Variants in ADGRE5 observed in about 807,000 individuals in gnomAD.
The protein encoded by ADGRE5 is CD97 molecule.
Under a neutral mutation model 100.3 loss-of-function variants are expected in ADGRE5, and 72 were observed. The ratio of observed to expected loss-of-function variants is 0.72; its 90% confidence interval spans 0.59 to 0.87. The LOEUF (loss-of-function observed/expected upper bound fraction) is 0.87, where lower values mean the gene tolerates loss of function less well. Ranked by LOEUF, ADGRE5 falls within the 40% of genes least tolerant of loss-of-function variation. ADGRE5 has a pLI of 0.00. For missense variants in ADGRE5, 959 were observed against 1,094.7 expected, an observed-to-expected ratio of 0.88 and a Z score of 1.75; for synonymous variants, 439 against 447.8, an observed-to-expected ratio of 0.98 and a Z score of 0.25.
At position 14,405,848 on chromosome 19, in the gene ADGRE5, G is replaced by T; in HGVS notation, c.1730G>T (p.Gly577Val). ...TTCCTGCTGGTGCGGCCCATCCAGGGCTCGCGCACCACCATACACCTGCAC... is the reference window on the plus strand; with the variant it reads ...TTCCTGCTGGTGCGGCCCATCCAGGTCTCGCGCACCACCATACACCTGCAC... ...LTFLLVRPIQ[G>V]SRTTIHLHLC... The change falls in exon 14 of 20, where the codon GGC (glycine) becomes GTC (valine). Residue 577 changes from glycine to valine, a missense_variant. Physicochemically the swap from Gly to Val is moderately radical, Grantham distance 109 (BLOSUM62 -3). Transcript: ENST00000242786. 6.2e-7 allele frequency: 1 copy of T among 1,613,328 alleles called. No individual in the cohort carries two copies. Among genetic ancestry groups the T allele is most frequent in the Non-Finnish European group, 8.5e-7 (1 of 1,179,968 alleles).
chr19:14,389,573 A>G (rs1975521042), intron 3 of ADGRE5, among the ~76,000 whole-genome samples: 1 of 151,094 alleles, frequency 6.6e-6, no homozygotes, highest in African/African-American at 2.4e-5. Context: ...TCTCTATACT[A>G]AAAACACAAA....
At chr19:14,389,806 C>T (rs1293197101) in intron 3 of ADGRE5, among the ~76,000 whole-genome samples, 4 of 150,132 alleles carry the variant, frequency 2.7e-5, no homozygotes, top group African/African-American at 4.9e-5. Context: ...TGGTGGCTTA[C>T]GCCTGTAATC....
chr19:14,406,913 G>T lies in ADGRE5; in HGVS notation c.2160G>T (p.Gln720His). The T allele has an allele frequency of 1.2e-6, 2 of 1,614,206 alleles. No homozygotes were observed. Among genetic ancestry groups the T allele is most frequent in the Non-Finnish European group, 1.7e-6 (2 of 1,180,030 alleles). Residue 720 changes from glutamine to histidine, a missense_variant, in exon 17 of 20, where the codon CAG becomes CAT. Physicochemically the swap from Gln to His is conservative, Grantham distance 24. This residue lies in a region of ADGRE5 where 428 missense variants were observed against 386.2 expected (regional missense o/e 1.11). Coordinates refer to ENST00000242786, the MANE Select transcript of ADGRE5 (RefSeq NM_078481.4). This position sits in a 1 kb window ranked among gnomAD's most constrained non-coding sequence, Gnocchi z 6.0. ...IFVTTVWKLT[Q>H]KFSEINPDMK... ...TGACTACCGTCTGGAAGCTCACTCA[G>T]AAGTTTTCTGAAATCAATCCAGACA...
chr19:14,384,316 G>A (rs938439337), intron 1 of ADGRE5, among the ~76,000 whole-genome samples: 6 of 152,022 alleles, frequency 3.9e-5, no homozygotes, highest in Non-Finnish European at 8.8e-5. Flanking sequence ...TGAGTGGTCC[G>A]GGGACCTCCA....
chr19:14,406,021 A>G lies in ADGRE5; in HGVS notation c.1821+82A>G. Reference sequence around the variant, plus strand: ...TTAGCCCCGCCCACTCCCGGGGCTCAGTCGGGTAGGCGGGCCCTGGAGGCA... The same window carrying G: ...TTAGCCCCGCCCACTCCCGGGGCTCGGTCGGGTAGGCGGGCCCTGGAGGCA... On this transcript the variant is annotated intron_variant, in intron 14 of 19. Transcript: ENST00000242786. This position sits in a 1 kb window ranked among gnomAD's most constrained non-coding sequence, Gnocchi z 6.0. The G allele has an allele frequency of 1.6e-6, 2 of 1,280,374 alleles. No individual in the cohort carries two copies. The highest frequency in any genetic ancestry group is 1.4e-5 in the South Asian group (1 of 69,592). The allele number at this position is 1,280,374 out of a possible 1,614,324, so 79.3% of individuals were successfully genotyped here.
At chr19:14,403,849 A>C (rs1036087826) in intron 12 of ADGRE5, among the ~76,000 whole-genome samples, 1 of 145,152 alleles carries the variant, frequency 6.9e-6, no homozygotes, top group Admixed American at 6.9e-5. Context: ...TTTATGTCAT[A>C]ATCTGCCTCT....
At position 14,405,771 on chromosome 19, in the gene ADGRE5, C is replaced by G. The variant is rs757539799; in HGVS notation, c.1653C>G (p.Thr551=). The G allele has an allele frequency of 1.2e-6, 2 of 1,613,496 alleles. No individual in the cohort carries two copies. Among genetic ancestry groups the G allele is most frequent in the Non-Finnish European group, 1.7e-6 (2 of 1,179,776 alleles). Residue 551 remains threonine, a synonymous_variant, in exon 14 of 20, where the codon ACC becomes ACG. Coordinates refer to ENST00000242786, the MANE Select transcript of ADGRE5 (RefSeq NM_078481.4). The part of the protein sequence containing the change: ...DVEDWKLTLI[T]RVGLALSLFC... ...AGGACTGGAAGCTGACCCTGATCAC[C>G]AGGGTGGGACTGGCGCTGTCACTCT...
At chr19:14,399,433 G>C (rs538740646) in intron 9 of ADGRE5, among the ~76,000 whole-genome samples, 2 of 150,776 alleles carry the variant, frequency 1.3e-5, no homozygotes, top group African/African-American at 4.9e-5. Flanking sequence ...GCGTAGTGGC[G>C]GGCGCCTGTA....
chr19:14,406,846 C>T lies in ADGRE5; in HGVS notation c.2116-23C>T. ...CTGGACCATCGCTCTCGCCCTCTAACCCACAATCTGCTCCCTGCCCAGTGC... is the reference window on the plus strand; with the variant it reads ...CTGGACCATCGCTCTCGCCCTCTAATCCACAATCTGCTCCCTGCCCAGTGC... On this transcript the variant is annotated intron_variant, in intron 16 of 19. Coordinates refer to ENST00000242786, the MANE Select transcript of ADGRE5 (RefSeq NM_078481.4). This position sits in a 1 kb window ranked among gnomAD's most constrained non-coding sequence, Gnocchi z 6.0. The T allele has an allele frequency of 1.9e-6, 3 of 1,613,014 alleles. No homozygotes were observed. The highest frequency in any genetic ancestry group is 2.5e-6 in the Non-Finnish European group (3 of 1,178,914).
chr19:14,407,818 CAAG>C (rs1976336045), intron 18 of ADGRE5, 87 bp from the exon 19 acceptor site: 2 of 1,107,016 alleles, frequency 1.8e-6, no homozygotes, highest in Non-Finnish European at 2.7e-6. Flanking sequence ...ACAAAAACAC[CAAG>C]AAGGTGGGGC....
Position 14,401,590 on chromosome 19 carries a change from C to T in ADGRE5, c.1075+27C>T. On this transcript the variant is annotated intron_variant, in intron 10 of 19. Coordinates refer to ENST00000242786, the MANE Select transcript of ADGRE5 (RefSeq NM_078481.4). The surrounding 1 kb of genome is among the most constrained non-coding windows in gnomAD (Gnocchi z 4.1). ...TGAGGCCTTGGCCTGGCCTGCCCTG[C>T]CCCAACCCTGGGCCCCACCTGGTAC... 1 of 1,610,196 alleles carries T rather than the reference C, an allele frequency of 6.2e-7. No homozygotes were observed. The highest frequency in any genetic ancestry group is 1.1e-5 in the South Asian group (1 of 90,792).
At chr19:14,384,886 CCT>C (rs1181118790) in intron 1 of ADGRE5, among the ~76,000 whole-genome samples, 7 of 150,806 alleles carry the variant, frequency 4.6e-5, no homozygotes, top group Admixed American at 3.3e-4. Flanking sequence ...TCTCTGTCTC[CCT>C]CTCTCTCTCC....
Position 14,381,530 on chromosome 19 carries a change from G to A in ADGRE5, c.7G>A (p.Gly3Ser), listed in dbSNP as rs1396657090. 1 of 1,609,808 alleles carries A rather than the reference G, an allele frequency of 6.2e-7. No homozygotes were observed. Among genetic ancestry groups the A allele is most frequent in the Non-Finnish European group, 8.5e-7 (1 of 1,178,412 alleles). The change falls in exon 1 of 20, where the codon GGC (glycine) becomes AGC (serine). Residue 3 changes from glycine (G) to serine (S), a missense_variant. Physicochemically the swap from Gly to Ser is moderately conservative, Grantham distance 56. This residue lies in a region of ADGRE5 where 114 missense variants were observed against 195.7 expected (regional missense o/e 0.58). Transcript: ENST00000242786. ...CCTGCCGGCAGCTCCAACCATGGGA[G>A]GCCGCGTCTTTCTCGGTAAGTACTT... is the stretch of plus-strand genomic sequence containing the variant. MG[G>S]RVFLAFCVWL...
intron 3 of ADGRE5, among the ~76,000 whole-genome samples, chr19:14,390,368 G>C (rs1420196461): frequency 6.7e-6 from 1 of 149,092 alleles, no homozygotes; most frequent in Non-Finnish European, 1.5e-5. Flanking sequence ...CTGTCACCCA[G>C]GCTGGAGTGC....
rs780435216 is a variant in ADGRE5 at position 14,405,887 on chromosome 19, T to C, written c.1769T>C (p.Leu590Pro). The change falls in exon 14 of 20, where the codon CTC becomes CCC. Residue 590 changes from leucine to proline, a missense_variant. Leu to Pro is a moderately conservative substitution (Grantham distance 98). Coordinates refer to ENST00000242786, the MANE Select transcript of ADGRE5 (RefSeq NM_078481.4). The stretch of plus-strand genomic sequence containing the variant: ...ATACACCTGCACCTCTGCATCTGCC[T>C]CTTCGTGGGCTCCACCATCTTCCTG... ...TTIHLHLCIC[L>P]FVGSTIFLAG... 4.3e-6 allele frequency: 7 copies of C among 1,611,900 alleles called. No homozygotes were observed. In the Admixed American group the frequency reaches 1.0e-4, roughly 23 times the overall value.
chr19:14,398,590 A>G (rs1363688256), intron 9 of ADGRE5, among the ~76,000 whole-genome samples: 1 of 149,306 alleles, frequency 6.7e-6, no homozygotes, highest in African/African-American at 2.5e-5. Context: ...CAGGACAATG[A>G]CGTGAACCTG....
chr19:14,405,435 C>T (rs1365196451), intron 13 of ADGRE5: 5 of 319,428 alleles, frequency 1.6e-5, no homozygotes, highest in Non-Finnish European at 1.7e-5. Context: ...TGAGCCACCA[C>T]ACCCAGCCTG....
intron 13 of ADGRE5, chr19:14,405,485 G>A (rs1227321569): frequency 2.2e-6 from 1 of 451,736 alleles, no homozygotes; most frequent in Admixed American, 4.1e-5. Context: ...AGGATCCATC[G>A]TTAAGCTGGG....
chr19:14,406,437 G>C lies in ADGRE5; in HGVS notation c.1928G>C (p.Arg643Pro). Residue 643 changes from arginine to proline, a missense_variant, in exon 15 of 20, where the codon CGC becomes CCC. Physicochemically the swap from Arg to Pro is moderately radical, Grantham distance 103. Coordinates refer to ENST00000242786, the MANE Select transcript of ADGRE5 (RefSeq NM_078481.4). This position sits in a 1 kb window ranked among gnomAD's most constrained non-coding sequence, Gnocchi z 6.0. ...EGLELYFLVV[R>P]VFQGQGLSTR... The stretch of plus-strand genomic sequence containing the variant: ...CTGGAGCTCTACTTTCTTGTGGTGC[G>C]CGTGTTCCAAGGCCAGGGCCTGAGT... 1 of 1,586,194 alleles carries C rather than the reference G, an allele frequency of 6.3e-7. No individual in the cohort carries two copies.
Sources: gnomAD v4.1 joint callset for allele counts (sites outside exome capture counted in the v4.1 genomes callset) on GRCh38, gnomAD v4.1.1 for gene constraint, gnomAD v4.1.1 regional missense constraint, Gnocchi (gnomAD v3.1) non-coding constraint, MANE v1.5 for transcripts, NCBI Gene and HGNC (gene_info 2026-07-23, HGNC 2026-07-21) for gene names.